The following NDUFB10 variants were observed in gnomAD, a reference collection of about 807,000 sequenced individuals.
NDUFB10 encodes the protein NADH dehydrogenase [ubiquinone] 1 beta subcomplex subunit 10.
In NDUFB10, 23 loss-of-function variants were observed where a neutral mutation model predicts 19.0. The observed-to-expected ratio is 1.21, with a 90% CI of 0.87 to 1.71. The LOEUF (loss-of-function observed/expected upper bound fraction) is 1.71, where lower values mean the gene tolerates loss of function less well. NDUFB10 is among the 40% of genes most tolerant of loss of function. The probability of loss-of-function intolerance (pLI) is 0.00; values close to 1 mark genes in which losing one functional copy is unlikely to be tolerated. For missense variants in NDUFB10, 312 were observed against 230.6 expected (o/e 1.35, Z -2.29); for synonymous variants, 104 against 81.8 (o/e 1.27, Z -1.46).
intron 1 of NDUFB10, 42 bp from the exon 2 acceptor site, chr16:1,961,111 C>G: frequency 1.2e-6 from 2 of 1,608,650 alleles, no homozygotes; most frequent in Non-Finnish European, 1.7e-6. Flanking sequence ...AAAGCCTGTC[C>G]AAACCGATGA....
rs1489356562 is a variant in NDUFB10 at position 1,961,494 on chromosome 16, C to T, written c.270-3C>T. On this transcript the variant is annotated splice_polypyrimidine_tract_variant and splice_region_variant and intron_variant, in intron 2 of 3. Transcript: ENST00000268668. ...AGCCTCTCTTGCTCCTTTTCTCCAC[C>T]AGCAAAGTCGACCAAGAAATTATCA... 6.2e-7 allele frequency: 1 copy of T among 1,613,848 alleles called. No homozygotes were observed. The highest frequency in any genetic ancestry group is 8.5e-7 in the Non-Finnish European group (1 of 1,179,948).
intron 1 of NDUFB10, 115 bp downstream of exon 1, chr16:1,959,869 C>T (rs338789): frequency 1.4e-6 from 2 of 1,420,578 alleles, no homozygotes; most frequent in Non-Finnish European, 9.6e-7. Flanking sequence ...CCGCCCCCCG[C>T]TGCACCCCGG....
rs753611156 is a variant in NDUFB10, at chr16:1,961,114, AC to A, written c.131-37del. 6 of 1,609,638 alleles carry A rather than the reference AC, an allele frequency of 3.7e-6. No homozygotes were observed. The East Asian group carries it at 1.3e-4, about 36-fold the overall frequency. On this transcript the variant is annotated intron_variant, in intron 1 of 3. Coordinates refer to ENST00000268668, the MANE Select transcript of NDUFB10 (RefSeq NM_004548.3). ...ATAAGAAAGCTAAAAGCCTGTCCAAACCGATGAGGCATTTGAGTCTGTGGCT... is the reference window on the plus strand; with the variant it reads ...ATAAGAAAGCTAAAAGCCTGTCCAAACGATGAGGCATTTGAGTCTGTGGCT...
chr16:1,961,143 G>T lies in NDUFB10; in HGVS notation c.131-10G>T. The T allele has an allele frequency of 1.2e-6, 2 of 1,613,684 alleles. No individual in the cohort carries two copies. Among genetic ancestry groups the T allele is most frequent in the Non-Finnish European group, 1.7e-6 (2 of 1,179,830 alleles). ...ATGAGGCATTTGAGTCTGTGGCTTT[G>T]TCTTTGCAGAATTTATAGAGCGGCA... is the stretch of plus-strand genomic sequence containing the variant. On this transcript the variant is annotated splice_polypyrimidine_tract_variant and intron_variant, in intron 1 of 3. Transcript: ENST00000268668.
At chr16:1,961,078 G>C (rs1270663477) in intron 1 of NDUFB10, 75 bp from the exon 2 acceptor site, 5 of 1,551,980 alleles carry the variant, frequency 3.2e-6, no homozygotes, top group Non-Finnish European at 4.4e-6. Context: ...CCTCCAAAGG[G>C]CTTATGAGAA....
rs770507451 is a variant in NDUFB10, at chr16:1,959,778, C to T, written c.130+24C>T. On this transcript the variant is annotated intron_variant, in intron 1 of 3. Coordinates refer to ENST00000268668, the MANE Select transcript of NDUFB10 (RefSeq NM_004548.3). ...AGGTACGAAGCCCCAGCCCGGGGCT[C>T]CCTCGCCGGCCTCTGGGGACCCCTG... 3.7e-6 allele frequency: 6 copies of T among 1,611,550 alleles called. No homozygotes were observed. In the Admixed American group the frequency reaches 6.7e-5, roughly 18 times the overall value.
Position 1,959,619 on chromosome 16 carries a change from GCC to G in NDUFB10, c.-5_-4del. ...TCCGGGAGCGGAGTCCGCGCCCGCC[GCC>G]GCCATGCCGGACAGCTGGGACAAGG... On this transcript the variant is annotated 5_prime_UTR_variant, in exon 1 of 4. Transcript: ENST00000268668. 1 of 1,607,096 alleles carries G rather than the reference GCC, an allele frequency of 6.2e-7. No individual in the cohort carries two copies. Among genetic ancestry groups the G allele is most frequent in the South Asian group, 1.1e-5 (1 of 90,640 alleles).
Position 1,961,840 on chromosome 16 carries a change from C to G in NDUFB10, c.453C>G (p.Ala151=). ...GAYSSARKCL[A]KQRQRMLQER... is the part of the protein sequence containing the mutation. ...ACAGTTCTGCCAGGAAGTGCCTGGCCAAACAGAGGCAGAGGATGCTGCAAG... is the reference window on the plus strand; with the variant it reads ...ACAGTTCTGCCAGGAAGTGCCTGGCGAAACAGAGGCAGAGGATGCTGCAAG... The change falls in exon 4 of 4, where the codon GCC becomes GCG. Residue 151 remains alanine, a synonymous_variant. Transcript: ENST00000268668. 1 of 1,563,494 alleles carries G rather than the reference C, an allele frequency of 6.4e-7. No individual in the cohort carries two copies. Among genetic ancestry groups the G allele is most frequent in the Non-Finnish European group, 8.7e-7 (1 of 1,153,398 alleles).
Position 1,959,592 on chromosome 16 carries a change from C to T in NDUFB10, c.-33C>T, listed in dbSNP as rs1267321787. ...GACGGAGGTAGAGGCCAGGGCAGCGCGTCCGGGAGCGGAGTCCGCGCCCGC... is the reference window on the plus strand; with the variant it reads ...GACGGAGGTAGAGGCCAGGGCAGCGTGTCCGGGAGCGGAGTCCGCGCCCGC... On this transcript the variant is annotated 5_prime_UTR_variant, in exon 1 of 4. Coordinates refer to ENST00000268668, the MANE Select transcript of NDUFB10 (RefSeq NM_004548.3). 6.3e-7 allele frequency: 1 copy of T among 1,589,220 alleles called. No homozygotes were observed. Among genetic ancestry groups the T allele is most frequent in the Non-Finnish European group, 8.6e-7 (1 of 1,168,244 alleles).
chr16:1,961,083 T>A, intron 1 of NDUFB10, 70 bp from the exon 2 acceptor site: 1 of 1,568,584 alleles, frequency 6.4e-7, no homozygotes, highest in Non-Finnish European at 8.7e-7. Context: ...AAAGGGCTTA[T>A]GAGAAATAAG....
At chr16:1,961,054 G>A in intron 1 of NDUFB10, 99 bp from the exon 2 acceptor site, 1 of 1,419,568 alleles carries the variant, frequency 7.0e-7, no homozygotes, top group Non-Finnish European at 9.6e-7. Flanking sequence ...CACTCAGGAA[G>A]TTCTCCTCTC....
chr16:1,961,105 C>G (rs755050584), intron 1 of NDUFB10, 48 bp from the exon 2 acceptor site: 1 of 1,603,386 alleles, frequency 6.2e-7, no homozygotes. Flanking sequence ...AAGCTAAAAG[C>G]CTGTCCAAAC....
In NDUFB10 at chr16:1,959,596, CG is replaced by C; in HGVS notation, c.-26del. ...GAGGTAGAGGCCAGGGCAGCGCGTC[CG>C]GGAGCGGAGTCCGCGCCCGCCGCCG... On this transcript the variant is annotated 5_prime_UTR_variant, in exon 1 of 4. Coordinates refer to ENST00000268668, the MANE Select transcript of NDUFB10 (RefSeq NM_004548.3). 6.3e-7 allele frequency: 1 copy of C among 1,593,736 alleles called. No individual in the cohort carries two copies. The highest frequency in any genetic ancestry group is 2.3e-5 in the East Asian group (1 of 43,908).
In NDUFB10 at chr16:1,961,496, G is replaced by C; in HGVS notation, c.270-1G>C. Reference sequence around the variant, plus strand: ...CCTCTCTTGCTCCTTTTCTCCACCAGCAAAGTCGACCAAGAAATTATCAAC... The same window carrying C: ...CCTCTCTTGCTCCTTTTCTCCACCACCAAAGTCGACCAAGAAATTATCAAC... On this transcript the variant is annotated splice_acceptor_variant, in intron 2 of 3. Coordinates refer to ENST00000268668, the MANE Select transcript of NDUFB10 (RefSeq NM_004548.3). LOFTEE classifies it high-confidence loss of function. 6.2e-7 allele frequency: 1 copy of C among 1,613,952 alleles called. No homozygotes were observed. Among genetic ancestry groups the C allele is most frequent in the Non-Finnish European group, 8.5e-7 (1 of 1,179,952 alleles).
Position 1,959,678 on chromosome 16 carries a change from G to GGT in NDUFB10, c.56_57dup (p.Gln20CysfsTer9). On this transcript the variant is annotated frameshift_variant, in exon 1 of 4. Transcript: ENST00000268668. LOFTEE classifies it high-confidence loss of function. ...ACCCTGAGCCCCCGCGCCGCACGCC[G>GGT]GTGCAGCCCAATCCCATCGTCTACA... The GGT allele has an allele frequency of 6.2e-7, 1 of 1,613,256 alleles. No homozygotes were observed. Among genetic ancestry groups the GGT allele is most frequent in the South Asian group, 1.1e-5 (1 of 91,076 alleles).
Position 1,959,562 on chromosome 16 carries a change from A to T in NDUFB10, c.-63A>T, listed in dbSNP as rs1023672970. On this transcript the variant is annotated 5_prime_UTR_variant, in exon 1 of 4. Transcript: ENST00000268668. The stretch of plus-strand genomic sequence containing the variant: ...TGTAGCGGGCGACCTAGGCCGCGGG[A>T]CCCGGACGGAGGTAGAGGCCAGGGC... The T allele has an allele frequency of 6.5e-7, 1 of 1,528,894 alleles. No homozygotes were observed. The highest frequency in any genetic ancestry group is 8.8e-7 in the Non-Finnish European group (1 of 1,134,814). The allele number at this position is 1,528,894 out of a possible 1,614,324, so 94.7% of individuals were successfully genotyped here.
At position 1,959,618 on chromosome 16, in the gene NDUFB10, C is replaced by T. The variant is rs1445160104; in HGVS notation, c.-7C>T. 6.2e-7 allele frequency: 1 copy of T among 1,606,960 alleles called. No homozygotes were observed. ...GTCCGGGAGCGGAGTCCGCGCCCGC[C>T]GCCGCCATGCCGGACAGCTGGGACA... On this transcript the variant is annotated 5_prime_UTR_variant, in exon 1 of 4. Coordinates refer to ENST00000268668, the MANE Select transcript of NDUFB10 (RefSeq NM_004548.3).
intron 2 of NDUFB10, 86 bp from the exon 3 acceptor site, chr16:1,961,411 C>A: frequency 1.3e-6 from 2 of 1,594,806 alleles, no homozygotes; most frequent in South Asian, 1.1e-5. Context: ...GAGCCAGACC[C>A]CAGGGCTCTT....
chr16:1,961,863 A>AAGAG lies in NDUFB10; in HGVS notation c.480_483dup (p.Lys162GlufsTer26). ...GCCAAACAGAGGCAGAGGATGCTGC[A>AAGAG]AGAGAGAAAAGCTGCAAAAGAGGCC... On this transcript the variant is annotated frameshift_variant, in exon 4 of 4. Coordinates refer to ENST00000268668, the MANE Select transcript of NDUFB10 (RefSeq NM_004548.3). LOFTEE classifies it high-confidence loss of function. 6.4e-7 allele frequency: 1 copy of AAGAG among 1,565,764 alleles called. No homozygotes were observed. Among genetic ancestry groups the AAGAG allele is most frequent in the Non-Finnish European group, 8.7e-7 (1 of 1,154,662 alleles).
Sources: allele counts gnomAD v4.1 joint callset, GRCh38; gene constraint gnomAD v4.1.1; transcripts MANE v1.5; gene names NCBI Gene and HGNC (gene_info 2026-07-23, HGNC 2026-07-21).